Variants in NCLN observed in about 807,000 individuals in gnomAD.
The protein encoded by NCLN is BOS complex subunit NCLN.
A neutral mutation model predicts 69.5 loss-of-function variants in NCLN; 34 were observed. The observed-to-expected ratio is 0.49, with a 90% CI of 0.37 to 0.65. NCLN has a LOEUF of 0.65. Ranked by LOEUF, NCLN falls within the 30% of genes least tolerant of loss-of-function variation. The probability of loss-of-function intolerance (pLI) is 0.00; values close to 1 mark genes in which losing one functional copy is unlikely to be tolerated. For missense variants in NCLN, 710 were observed against 804.8 expected, an observed-to-expected ratio of 0.88 and a Z score of 1.42; for synonymous variants, 393 against 358.3, an observed-to-expected ratio of 1.10 and a Z score of -1.09.
chr19:3,186,790 G>A (rs1210652924), intron 1 of NCLN, among the ~76,000 whole-genome samples: 1 of 152,140 alleles, frequency 6.6e-6, no homozygotes, highest in East Asian at 1.9e-4. Context: ...CACCCGACGC[G>A]GTGGTCCAGC....
chr19:3,205,979 A>G lies in NCLN; in HGVS notation c.1249A>G (p.Ile417Val). ...DSKTLTRNTR[I>V]IAEALTRVIY... ...TAAGACCCTGACCCGTAACACGAGG[A>G]TCATTGCAGAGGCCCTGACTCGAGT... Residue 417 changes from isoleucine to valine, a missense_variant, in exon 10 of 15, where the codon ATC becomes GTC. Physicochemically the swap from Ile to Val is conservative, Grantham distance 29 (BLOSUM62 3). Coordinates refer to ENST00000246117, the MANE Select transcript of NCLN (RefSeq NM_020170.4). This position sits in a 1 kb window ranked among gnomAD's most constrained non-coding sequence, Gnocchi z 4.6. The G allele has an allele frequency of 6.2e-7, 1 of 1,613,772 alleles. No homozygotes were observed. Among genetic ancestry groups the G allele is most frequent in the Non-Finnish European group, 8.5e-7 (1 of 1,179,982 alleles).
In NCLN at chr19:3,198,810, T is replaced by G; in HGVS notation, c.616-7T>G. On this transcript the variant is annotated splice_region_variant and splice_polypyrimidine_tract_variant and intron_variant, in intron 4 of 14. Coordinates refer to ENST00000246117, the MANE Select transcript of NCLN (RefSeq NM_020170.4). ...AGCCAGGCCATTCCCCTGCTCTCTA[T>G]CCACAGGGGCGGCTGACGGGGCTGG... is the stretch of plus-strand genomic sequence containing the variant. The G allele has an allele frequency of 6.3e-7, 1 of 1,579,624 alleles. No homozygotes were observed. Among genetic ancestry groups the G allele is most frequent in the Non-Finnish European group, 8.6e-7 (1 of 1,164,032 alleles).
In NCLN at chr19:3,205,303, C is replaced by T. The variant is rs1916235777; in HGVS notation, c.1208+552C>T. Among the ~76,000 whole-genome samples the T allele has an allele frequency of 6.6e-6, 1 of 152,216 alleles. No homozygotes were observed. On this transcript the variant is annotated intron_variant, in intron 9 of 14. Coordinates refer to ENST00000246117, the MANE Select transcript of NCLN (RefSeq NM_020170.4). The surrounding 1 kb of genome is among the most constrained non-coding windows in gnomAD (Gnocchi z 4.6). Reference sequence around the variant, plus strand: ...CAGTCCTGGCACCAGCAGGTGGGCGCCGTCTCCTCCCCCAGCGCCCGCAGT... The same window carrying T: ...CAGTCCTGGCACCAGCAGGTGGGCGTCGTCTCCTCCCCCAGCGCCCGCAGT...
intron 8 of NCLN, 120 bp downstream of exon 8, chr19:3,204,264 C>G (rs1916202392): frequency 8.0e-7 from 1 of 1,251,926 alleles, no homozygotes. Flanking sequence ...GAGGGCCACA[C>G]TGTGTCGGGG....
In NCLN at chr19:3,208,087, G is replaced by A. The variant is rs777247974; in HGVS notation, c.*399G>A. The A allele has an allele frequency of 1.7e-5, 4 of 233,826 alleles. No homozygotes were observed. Among genetic ancestry groups the A allele is most frequent in the Admixed American group, 5.1e-5 (1 of 19,486 alleles). The allele number at this position is 233,826 out of a possible 1,614,324, so 14.5% of individuals were successfully genotyped here. On this transcript the variant is annotated 3_prime_UTR_variant, in exon 15 of 15. Transcript: ENST00000246117. ...CACCGCCTCCTGCCGCAAGGGGCCT[G>A]GACTGCAGGCCTGACCTGCTCCCTG...
rs984379497 is a variant in NCLN at position 3,209,126 on chromosome 19, A to T, written c.*1438A>T. The stretch of plus-strand genomic sequence containing the variant: ...CATGGGAGCCTGGGGTTCTGTCCAG[A>T]TAGGACCAGGGGGTCTCACTTTGGC... On this transcript the variant is annotated 3_prime_UTR_variant, in exon 15 of 15. Transcript: ENST00000246117. The T allele has an allele frequency of 6.6e-6, 1 of 152,288 alleles. No individual in the cohort carries two copies. Among genetic ancestry groups the T allele is most frequent in the East Asian group, 1.9e-4 (1 of 5,186 alleles). 9.4% of individuals were successfully genotyped at this position (152,288 alleles called of 1,614,324 possible).
intron 3 of NCLN, among the ~76,000 whole-genome samples, chr19:3,195,840 C>T (rs191219890): frequency 3.7e-4 from 57 of 152,224 alleles, no homozygotes; most frequent in Admixed American, 2.4e-3. Context: ...CACAGAAGTG[C>T]GGACTCAAAG....
rs2144898756 is a variant in NCLN at position 3,192,483 on chromosome 19, A to G, written c.198A>G (p.Ala66=). 1.9e-6 allele frequency: 3 copies of G among 1,600,828 alleles called. No individual in the cohort carries two copies. The highest frequency in any genetic ancestry group is 2.3e-5 in the East Asian group (1 of 44,136). ...LQGQPYGTRN[A]VLNTEARTMA... The stretch of plus-strand genomic sequence containing the variant: ...CTGTGCCCACAGGCACACGGAATGC[A>G]GTGCTGAACACGGAGGCGCGCACGA... Residue 66 remains alanine, a synonymous_variant, in exon 2 of 15, where the codon GCA becomes GCG. Coordinates refer to ENST00000246117, the MANE Select transcript of NCLN (RefSeq NM_020170.4).
chr19:3,199,384 C>G (rs952259850), intron 5 of NCLN, among the ~76,000 whole-genome samples: 1 of 152,282 alleles, frequency 6.6e-6, no homozygotes, highest in Non-Finnish European at 1.5e-5. Context: ...GCCCAAAGCA[C>G]TGTCACCAGC....
At chr19:3,195,374 A>G (rs1028913598) in intron 3 of NCLN, among the ~76,000 whole-genome samples, 50 of 151,486 alleles carry the variant, frequency 3.3e-4, no homozygotes, top group Non-Finnish European at 4.4e-4. Context: ...CTCAGCCTCC[A>G]GAGTAGCTGG....
chr19:3,190,936 G>A (rs1397161165), intron 1 of NCLN, among the ~76,000 whole-genome samples: 8 of 152,188 alleles, frequency 5.3e-5, no homozygotes, highest in African/African-American at 1.2e-4. Flanking sequence ...CCAGCTGAAC[G>A]TGGGTGGCCC....
chr19:3,207,363 G>T (rs764660522), intron 13 of NCLN, 28 bp from the exon 14 acceptor site: 4 of 1,612,838 alleles, frequency 2.5e-6, no homozygotes, highest in South Asian at 1.1e-5. Flanking sequence ...CACCATCCTC[G>T]ACCTCAGGGA....
chr19:3,186,130 G>GCGCCGCCGCTGCCTGCCGCCGA lies in NCLN; in HGVS notation c.107_128dup (p.His44AlafsTer137). ...CCTGCCCGCTGTGCTGCTGCTGGTG[G>GCGCCGCCGCTGCCTGCCGCCGA]CGCCGCCGCTGCCTGCCGCCGACGC... On this transcript the variant is annotated frameshift_variant, in exon 1 of 15. Transcript: ENST00000246117. LOFTEE classifies it high-confidence loss of function. 1 of 1,596,920 alleles carries GCGCCGCCGCTGCCTGCCGCCGA rather than the reference G, an allele frequency of 6.3e-7. No homozygotes were observed. Among genetic ancestry groups the GCGCCGCCGCTGCCTGCCGCCGA allele is most frequent in the Non-Finnish European group, 8.5e-7 (1 of 1,174,064 alleles).
At chr19:3,198,506 C>CAAA (rs770959188) in intron 4 of NCLN, among the ~76,000 whole-genome samples, 10 of 76,752 alleles carry the variant, frequency 1.3e-4, no homozygotes, top group Non-Finnish European at 2.4e-4. Context: ...GATTCCGTCT[C>CAAA]AAAAAAAAAA....
At chr19:3,198,043 T>C (rs1342067704) in intron 4 of NCLN, among the ~76,000 whole-genome samples, 1 of 152,214 alleles carries the variant, frequency 6.6e-6, no homozygotes, top group Non-Finnish European at 1.5e-5. Context: ...TCTGGCCCTT[T>C]ATGAAAGTCT....
chr19:3,204,515 T>G, intron 8 of NCLN, 58 bp from the exon 9 acceptor site: 1 of 1,453,634 alleles, frequency 6.9e-7, no homozygotes, highest in Non-Finnish European at 9.1e-7. Flanking sequence ...ATTTGGGGAA[T>G]GGGCTGGGGT....
rs757826815 is a variant in NCLN, at chr19:3,196,208, C to T, written c.546C>T (p.Asn182=). 28 of 1,555,048 alleles carry T rather than the reference C, an allele frequency of 1.8e-5. 1 individual carries two copies. The highest frequency in any genetic ancestry group is 2.7e-5 in the African/African-American group (2 of 73,274). ...TACTGCTGCGCACGGCCACTGCCAACGGCTTCCAGATGGTCACCAGCGGGG... is the reference window on the plus strand; with the variant it reads ...TACTGCTGCGCACGGCCACTGCCAATGGCTTCCAGATGGTCACCAGCGGGG... ...AEVLLRTATA[N]GFQMVTSGVQ... is the part of the protein sequence containing the mutation. Residue 182 remains asparagine (N), a synonymous_variant, in exon 4 of 15, where the codon AAC becomes AAT. Transcript: ENST00000246117.
At chr19:3,203,684 G>A in intron 6 of NCLN, 72 bp from the exon 7 acceptor site, 1 of 1,393,384 alleles carries the variant, frequency 7.2e-7, no homozygotes, top group Middle Eastern at 1.8e-4. Context: ...TGGGGGACCT[G>A]TGACCTGGCC....
Position 3,206,441 on chromosome 19 carries a change from C to T in NCLN, c.1499+16C>T, listed in dbSNP as rs1043491142. 32 of 1,540,162 alleles carry T rather than the reference C, an allele frequency of 2.1e-5. No individual in the cohort carries two copies. The highest frequency in any genetic ancestry group is 9.8e-5 in the East Asian group (4 of 40,828). ...CTGACAAGCGGTGAGGCTGGGGCTCCGCGCTGGCCCCGTTCAGCCTGGGGC... is the reference window on the plus strand; with the variant it reads ...CTGACAAGCGGTGAGGCTGGGGCTCTGCGCTGGCCCCGTTCAGCCTGGGGC... On this transcript the variant is annotated intron_variant, in intron 12 of 14. Coordinates refer to ENST00000246117, the MANE Select transcript of NCLN (RefSeq NM_020170.4).
Sources: allele counts gnomAD v4.1 joint callset (sites outside exome capture counted in the v4.1 genomes callset), GRCh38; gene constraint gnomAD v4.1.1; non-coding constraint Gnocchi (gnomAD v3.1); transcripts MANE v1.5; gene names NCBI Gene and HGNC (gene_info 2026-07-23, HGNC 2026-07-21).